The following ADGRB1 variants were observed in gnomAD, a reference collection of about 807,000 sequenced individuals.
ADGRB1 encodes the protein adhesion G protein-coupled receptor B1, also known as brain-specific angiogenesis inhibitor 1.
Under a neutral mutation model 175.7 loss-of-function variants are expected in ADGRB1, and 36 were observed. That is an observed-to-expected ratio of 0.20 (90% CI 0.16 to 0.27). The LOEUF (loss-of-function observed/expected upper bound fraction) is 0.27, where lower values mean the gene tolerates loss of function less well. Ranked by LOEUF, ADGRB1 falls within the 10% of genes least tolerant of loss-of-function variation. ADGRB1 has a pLI of 1.00. For missense variants in ADGRB1, 1,731 were observed against 2,255.3 expected, an observed-to-expected ratio of 0.77 and a Z score of 4.71; for synonymous variants, 1,054 against 979.4, an observed-to-expected ratio of 1.08 and a Z score of -1.42.
At chr8:142,516,318 G>T (rs1485733414) in intron 18 of ADGRB1, among the ~76,000 whole-genome samples, 1 of 142,738 alleles carries the variant, frequency 7.0e-6, no homozygotes, top group Non-Finnish European at 1.5e-5. Flanking sequence ...GTGTGTGCGG[G>T]CCCCAGGTGC....
chr8:142,476,819 G>T (rs967761579), intron 4 of ADGRB1, 124 bp downstream of exon 4: 1 of 1,076,448 alleles, frequency 9.3e-7, no homozygotes, highest in African/African-American at 1.6e-5. Flanking sequence ...ACCCTTAGGT[G>T]CAGGGCTCTT....
At position 142,510,851 on chromosome 8, in the gene ADGRB1, C is replaced by T. The variant is rs1843061799; in HGVS notation, c.2676-81C>T. The T allele has an allele frequency of 2.4e-5, 19 of 788,178 alleles. No individual in the cohort carries two copies. Among genetic ancestry groups the T allele is most frequent in the Non-Finnish European group, 2.9e-5 (19 of 651,046 alleles). The allele number at this position is 788,178 out of a possible 1,614,324, so 48.8% of individuals were successfully genotyped here. A position where few individuals can be genotyped will look rare whatever the true frequency, so the allele number is the denominator to read the frequency against. ...GGGCCGGGGCCGGGGCGCGGAGCCG[C>T]CGCTCGGGGGCCGGGGCGCCCGCGT... On this transcript the variant is annotated intron_variant, in intron 17 of 30. Transcript: ENST00000517894. This position sits in a 1 kb window ranked among gnomAD's most constrained non-coding sequence, Gnocchi z 6.3.
intron 2 of ADGRB1, among the ~76,000 whole-genome samples, chr8:142,468,650 A>C (rs1200643660): frequency 6.6e-6 from 1 of 152,216 alleles, no homozygotes; most frequent in Non-Finnish European, 1.5e-5. Flanking sequence ...GCCTTCACAC[A>C]GCTGTTCCCT....
Position 142,522,685 on chromosome 8 carries a change from G to A in ADGRB1, c.3220G>A (p.Ala1074Thr). Residue 1074 changes from alanine to threonine, a missense_variant, in exon 22 of 31, where the codon GCC (alanine) becomes ACC (threonine). Ala to Thr is a moderately conservative substitution (Grantham distance 58). This residue lies in a region of ADGRB1 where 301 missense variants were observed against 488.4 expected (regional missense o/e 0.62). Coordinates refer to ENST00000517894, the MANE Select transcript of ADGRB1 (RefSeq NM_001702.3). ...VVAISVGFTK[A>T]KGYSTMNYCW... ...GGCCATTTCTGTGGGATTCACCAAG[G>A]CCAAAGGGTACAGCACCATGAACTA... is the stretch of plus-strand genomic sequence containing the variant. 1 of 1,561,254 alleles carries A rather than the reference G, an allele frequency of 6.4e-7. No homozygotes were observed.
Position 142,544,211 on chromosome 8 carries a change from A to G in ADGRB1, c.4558-9A>G. 1 of 1,547,616 alleles carries G rather than the reference A, an allele frequency of 6.5e-7. No individual in the cohort carries two copies. The highest frequency in any genetic ancestry group is 8.7e-7 in the Non-Finnish European group (1 of 1,146,362). On this transcript the variant is annotated splice_polypyrimidine_tract_variant and intron_variant, in intron 30 of 30. Transcript: ENST00000517894. The stretch of plus-strand genomic sequence containing the variant: ...CCCCACCCCTCCTGCACCACGGGCC[A>G]CCCAGCAGCCGGAAAAGCAGCAGAC...
chr8:142,490,761 C>G lies in ADGRB1; in HGVS notation c.2632-11C>G, dbSNP rs1161517508. 1.9e-6 allele frequency: 3 copies of G among 1,573,516 alleles called. No individual in the cohort carries two copies. Among genetic ancestry groups the G allele is most frequent in the Admixed American group, 1.8e-5 (1 of 54,302 alleles). ...TGCCAGGGGCCCTGACTCCTCTCCC[C>G]TCTCTCCCAGGGCACCACCAACCAG... On this transcript the variant is annotated splice_polypyrimidine_tract_variant and intron_variant, in intron 16 of 30. Transcript: ENST00000517894.
rs1343388756 is a variant in ADGRB1, at chr8:142,488,522, G to T, written c.2452+15G>T. 1 of 1,609,904 alleles carries T rather than the reference G, an allele frequency of 6.2e-7. No individual in the cohort carries two copies. Among genetic ancestry groups the T allele is most frequent in the Non-Finnish European group, 8.5e-7 (1 of 1,177,802 alleles). ...GGGGCTGACAGGTGAGGGGCCCAGGGAGTGGAGGGGGACCTTCATGGGGGA... is the reference window on the plus strand; with the variant it reads ...GGGGCTGACAGGTGAGGGGCCCAGGTAGTGGAGGGGGACCTTCATGGGGGA... On this transcript the variant is annotated intron_variant, in intron 14 of 30. Transcript: ENST00000517894.
chr8:142,490,842 T>TGG (rs1841946253), intron 17 of ADGRB1, 27 bp downstream of exon 17: 1 of 1,563,820 alleles, frequency 6.4e-7, no homozygotes, highest in Admixed American at 1.9e-5. Context: ...TTCATGGCCG[T>TGG]GGGGGTCTGG....
Position 142,544,471 on chromosome 8 carries a change from C to T in ADGRB1, c.*54C>T, listed in dbSNP as rs1304410948. 8 of 1,412,112 alleles carry T rather than the reference C, an allele frequency of 5.7e-6. No individual in the cohort carries two copies. Among genetic ancestry groups the T allele is most frequent in the Admixed American group, 3.0e-5 (1 of 33,114 alleles). 87.5% of individuals were successfully genotyped at this position (1,412,112 alleles called of 1,614,324 possible). A position where few individuals can be genotyped will look rare whatever the true frequency, so the allele number is the denominator to read the frequency against. ...CACGGAGGAGGGATGCTGCTCCGCC[C>T]GCTCCTGCCGCAGACGGGCACAGAC... is the stretch of plus-strand genomic sequence containing the variant. On this transcript the variant is annotated 3_prime_UTR_variant, in exon 31 of 31. Transcript: ENST00000517894.
intron 19 of ADGRB1, among the ~76,000 whole-genome samples, chr8:142,520,411 G>GTTGTGT (rs1843741530): frequency 4.9e-5 from 1 of 20,522 alleles, no homozygotes; most frequent in African/African-American, 1.5e-4. Context: ...GTTGGTAATG[G>GTTGTGT]TGATAGTGGT....
intron 13 of ADGRB1, among the ~76,000 whole-genome samples, chr8:142,485,104 T>A (rs933573453): frequency 6.6e-6 from 1 of 152,212 alleles, no homozygotes; most frequent in African/African-American, 2.4e-5. Flanking sequence ...AAGCCACACT[T>A]TCCCTGCTTG....
intron 24 of ADGRB1, among the ~76,000 whole-genome samples, chr8:142,528,626 C>T (rs185346646): frequency 2.0e-5 from 3 of 151,308 alleles, no homozygotes; most frequent in Admixed American, 6.6e-5. Flanking sequence ...CCACCTCCGA[C>T]GCCACCAGTA....
In ADGRB1 at chr8:142,542,556, A is replaced by T; in HGVS notation, c.4322A>T (p.Asp1441Val). 6.8e-7 allele frequency: 1 copy of T among 1,475,226 alleles called. No individual in the cohort carries two copies. The highest frequency in any genetic ancestry group is 9.0e-7 in the Non-Finnish European group (1 of 1,108,308). The allele number at this position is 1,475,226 out of a possible 1,614,324, so 91.4% of individuals were successfully genotyped here. ...GAGCCGGCACCCCCCAGCCTGGGGGATCCCGGGGAGCCTGCCGCCCATCCG... is the reference window on the plus strand; with the variant it reads ...GAGCCGGCACCCCCCAGCCTGGGGGTTCCCGGGGAGCCTGCCGCCCATCCG... Reference protein sequence around the residue: ...NLEPAPPSLGDPGEPAAHPGP... With the variant: ...NLEPAPPSLGVPGEPAAHPGP... The change falls in exon 28 of 31, where the codon GAT becomes GTT. Residue 1441 changes from aspartate to valine, a missense_variant. Around this residue, in one of 8 missense-constraint regions of ADGRB1, gnomAD observed 394 missense variants for 410.2 expected, o/e 0.96. Transcript: ENST00000517894. The surrounding 1 kb of genome is among the most constrained non-coding windows in gnomAD (Gnocchi z 6.3).
chr8:142,459,559 G>C (rs959487201), intron 1 of ADGRB1, among the ~76,000 whole-genome samples: 1 of 152,186 alleles, frequency 6.6e-6, no homozygotes, highest in Non-Finnish European at 1.5e-5. Context: ...TGTCCCCGCT[G>C]CCCTCACATC....
rs1358578927 is a variant in ADGRB1, at chr8:142,510,684, C to A, written c.2676-248C>A. Among the ~76,000 whole-genome samples, 3 of 145,444 alleles carry A rather than the reference C, an allele frequency of 2.1e-5. No individual in the cohort carries two copies. The East Asian group carries it at 6.0e-4, about 29-fold the overall frequency. On this transcript the variant is annotated intron_variant, in intron 17 of 30. Coordinates refer to ENST00000517894, the MANE Select transcript of ADGRB1 (RefSeq NM_001702.3). The surrounding 1 kb of genome is among the most constrained non-coding windows in gnomAD (Gnocchi z 6.3). ...CCGATCGCTCGGCTCCCCCGCCCGG[C>A]GCTCCCTCGGGCTGCGCTCCGCGGC...
chr8:142,481,153 G>C, intron 9 of ADGRB1, 101 bp from the exon 10 acceptor site: 2 of 1,077,674 alleles, frequency 1.9e-6, no homozygotes, highest in Non-Finnish European at 2.8e-6. Flanking sequence ...TGTTTCTGGG[G>C]GCCACAGGGT....
intron 2 of ADGRB1, among the ~76,000 whole-genome samples, chr8:142,468,469 A>C (rs908400745): frequency 2.6e-5 from 4 of 152,180 alleles, no homozygotes; most frequent in African/African-American, 9.7e-5. Flanking sequence ...CTAGGCCCAG[A>C]GACAGTTCGG....
intron 1 of ADGRB1, among the ~76,000 whole-genome samples, chr8:142,458,726 G>T (rs1220963810): frequency 6.6e-6 from 1 of 152,212 alleles, no homozygotes; most frequent in Non-Finnish European, 1.5e-5. Context: ...AGGGATGGGG[G>T]CTAGACACCA....
At position 142,476,591 on chromosome 8, in the gene ADGRB1, G is replaced by A. The variant is rs552906270; in HGVS notation, c.953G>A (p.Gly318Glu). The change falls in exon 4 of 31, where the codon GGG becomes GAG. Residue 318 changes from glycine (G) to glutamate (E), a missense_variant. By Grantham distance (98) the Gly-to-Glu change is moderately conservative. Around this residue, in one of 8 missense-constraint regions of ADGRB1, gnomAD observed 178 missense variants for 227.8 expected, o/e 0.78. Coordinates refer to ENST00000517894, the MANE Select transcript of ADGRB1 (RefSeq NM_001702.3). ...ACCTAAGCCCGTCCTGCAGCCGCTG[G>A]GCGCACCAGCTCCCGGAGCCAGTCC... The part of the protein sequence containing the change: ...QCNREACGPA[G>E]RTSSRSQSLR... The A allele has an allele frequency of 6.5e-7, 1 of 1,548,688 alleles. No homozygotes were observed. Among genetic ancestry groups the A allele is most frequent in the Non-Finnish European group, 8.7e-7 (1 of 1,146,444 alleles).
Sources: allele counts gnomAD v4.1 joint callset (sites outside exome capture counted in the v4.1 genomes callset), GRCh38; gene constraint gnomAD v4.1.1; regional missense constraint gnomAD v4.1.1; non-coding constraint Gnocchi (gnomAD v3.1); transcripts MANE v1.5; gene names NCBI Gene and HGNC (gene_info 2026-07-23, HGNC 2026-07-21).